The following KLHL40 variants were observed in gnomAD, a reference collection of about 807,000 sequenced individuals.
KLHL40 encodes kelch-like protein 40.
KLHL40 carries 44 observed loss-of-function variants against 49.7 expected under a neutral mutation model. That is an observed-to-expected ratio of 0.89 (90% CI 0.70 to 1.14). The LOEUF (loss-of-function observed/expected upper bound fraction) is 1.14. Among genes scored for constraint, KLHL40 ranks in the 50% most tolerant of loss-of-function variants. KLHL40 has a pLI of 0.00. For synonymous variants in KLHL40, 409 were observed against 365.2 expected, an observed-to-expected ratio of 1.12 and a Z score of -1.37; for missense variants, 892 against 850.3, an observed-to-expected ratio of 1.05 and a Z score of -0.61.
chr3:42,690,817 T>A (rs772757886), intron 4 of KLHL40, 42 bp from the exon 5 acceptor site: 1 of 1,547,542 alleles, frequency 6.5e-7, no homozygotes, highest in Admixed American at 1.9e-5. Context: ...TCACTGGGCT[T>A]GCCGAGGCAT....
At position 42,692,102 on chromosome 3, in the gene KLHL40, A is replaced by T; in HGVS notation, c.*109A>T. The T allele has an allele frequency of 1.4e-6, 1 of 713,320 alleles. No homozygotes were observed. Among genetic ancestry groups the T allele is most frequent in the Non-Finnish European group, 2.5e-6 (1 of 393,488 alleles). The allele number at this position is 713,320 out of a possible 1,614,324, so 44.2% of individuals were successfully genotyped here. A position where few individuals can be genotyped will look rare whatever the true frequency, so the allele number is the denominator to read the frequency against. On this transcript the variant is annotated 3_prime_UTR_variant, in exon 6 of 6. Coordinates refer to ENST00000287777, the MANE Select transcript of KLHL40 (RefSeq NM_152393.4). ...CTAGGAGAGGCCAGAGTCTACCTGG[A>T]TCCAGTTATGGTGCCTCAGGGGCTG... is the stretch of plus-strand genomic sequence containing the variant.
Position 42,692,163 on chromosome 3 carries a change from G to T in KLHL40, c.*170G>T. ...GGAAAGGGAAGTGCTGCTTAGTCCT[G>T]GACTTTTGGGCAAGGGTGAGAAACT... On this transcript the variant is annotated 3_prime_UTR_variant, in exon 6 of 6. Transcript: ENST00000287777. 1 of 595,522 alleles carries T rather than the reference G, an allele frequency of 1.7e-6. No homozygotes were observed. The highest frequency in any genetic ancestry group is 4.5e-4 in the Middle Eastern group (1 of 2,232). The allele number at this position is 595,522 out of a possible 1,614,324, so 36.9% of individuals were successfully genotyped here. A position where few individuals can be genotyped will look rare whatever the true frequency, so the allele number is the denominator to read the frequency against.
At position 42,686,267 on chromosome 3, in the gene KLHL40, C is replaced by A; in HGVS notation, c.649C>A (p.Leu217Met). The change falls in exon 1 of 6, where the codon CTG (leucine) becomes ATG (methionine). Residue 217 changes from leucine to methionine, a missense_variant. Transcript: ENST00000287777. ...AEAQAERQRALPTVFESVRCR... is the reference protein window; with the variant it reads ...AEAQAERQRAMPTVFESVRCR... ...GGCGCAGGCTGAGCGCCAGCGCGCG[C>A]TGCCCACCGTCTTCGAGAGCGTGCG... 6.4e-7 allele frequency: 1 copy of A among 1,558,560 alleles called. No homozygotes were observed. The highest frequency in any genetic ancestry group is 1.2e-5 in the South Asian group (1 of 85,770).
chr3:42,686,554 C>T lies in KLHL40; in HGVS notation c.936C>T (p.Phe312=). 2 of 1,614,162 alleles carry T rather than the reference C, an allele frequency of 1.2e-6. No individual in the cohort carries two copies. The highest frequency in any genetic ancestry group is 2.2e-5 in the South Asian group (2 of 91,082). The change falls in exon 1 of 6, where the codon TTC becomes TTT. Residue 312 remains phenylalanine (F), a synonymous_variant. Transcript: ENST00000287777. ...GGATCCTCAATGACACCCTGCGCTT[C>T]GGCATGTTCCTGCAGGATCTCATCT... ...LPGILNDTLR[F]GMFLQDLIFM...
chr3:42,692,283 C>T lies in KLHL40; in HGVS notation c.*290C>T, dbSNP rs998568108. 9 of 475,056 alleles carry T rather than the reference C, an allele frequency of 1.9e-5. 1 individual carries two copies. The South Asian group carries it at 2.6e-4, about 14-fold the overall frequency. The allele number at this position is 475,056 out of a possible 1,614,324, so 29.4% of individuals were successfully genotyped here. ...ATCCCAGGCCGTGTGCTGGCCCTGC[C>T]CCAGCCTAGCTGAGTGTGCTGGCAA... On this transcript the variant is annotated 3_prime_UTR_variant, in exon 6 of 6. Transcript: ENST00000287777.
At chr3:42,691,057 C>T (rs1007229565) in intron 5 of KLHL40, 52 bp downstream of exon 5, 2 of 1,536,114 alleles carry the variant, frequency 1.3e-6, no homozygotes, top group Non-Finnish European at 1.8e-6. Flanking sequence ...GGCTGACACC[C>T]CATAGCACCA....
In KLHL40 at chr3:42,692,438, G is replaced by C; in HGVS notation, c.*445G>C. 1 of 451,382 alleles carries C rather than the reference G, an allele frequency of 2.2e-6. No homozygotes were observed. Among genetic ancestry groups the C allele is most frequent in the Non-Finnish European group, 4.0e-6 (1 of 247,276 alleles). The allele number at this position is 451,382 out of a possible 1,614,324, so 28.0% of individuals were successfully genotyped here. On this transcript the variant is annotated 3_prime_UTR_variant, in exon 6 of 6. Coordinates refer to ENST00000287777, the MANE Select transcript of KLHL40 (RefSeq NM_152393.4). ...CTTCTGAGCAAGCAGCTCAGGGTCT[G>C]CATCAGTGCTCCAAGAGTCAGTGAG...
Position 42,688,116 on chromosome 3 carries a change from T to A in KLHL40, c.1153-26T>A. ...CTGAGGCTGGGGGAGTGGGGGGCGG[T>A]AGCTGACTGGACACCTGGCCTGCAG... is the stretch of plus-strand genomic sequence containing the variant. On this transcript the variant is annotated intron_variant, in intron 1 of 5. Coordinates refer to ENST00000287777, the MANE Select transcript of KLHL40 (RefSeq NM_152393.4). The surrounding 1 kb of genome is among the most constrained non-coding windows in gnomAD (Gnocchi z 4.2). The A allele has an allele frequency of 6.2e-7, 1 of 1,612,002 alleles. No homozygotes were observed. The highest frequency in any genetic ancestry group is 8.5e-7 in the Non-Finnish European group (1 of 1,179,416).
chr3:42,692,461 G>A lies in KLHL40; in HGVS notation c.*468G>A, dbSNP rs1697390909. 9 of 487,776 alleles carry A rather than the reference G, an allele frequency of 1.8e-5. No homozygotes were observed. Among genetic ancestry groups the A allele is most frequent in the Non-Finnish European group, 3.0e-5 (8 of 269,668 alleles). The allele number at this position is 487,776 out of a possible 1,614,324, so 30.2% of individuals were successfully genotyped here. ...CTGCATCAGTGCTCCAAGAGTCAGT[G>A]AGCAGGTGTGTTGAAGACTTGGGGC... On this transcript the variant is annotated 3_prime_UTR_variant, in exon 6 of 6. Coordinates refer to ENST00000287777, the MANE Select transcript of KLHL40 (RefSeq NM_152393.4).
chr3:42,686,841 G>A, intron 1 of KLHL40, 71 bp downstream of exon 1: 2 of 1,363,490 alleles, frequency 1.5e-6, no homozygotes, highest in Non-Finnish European at 2.0e-6. Flanking sequence ...TTGGGGCCCA[G>A]AAGGGGCTTG....
At position 42,688,824 on chromosome 3, in the gene KLHL40, T is replaced by TG. The variant is rs1697317144; in HGVS notation, c.1422-42dup. 4.4e-6 allele frequency: 7 copies of TG among 1,598,988 alleles called. No homozygotes were observed. The highest frequency in any genetic ancestry group is 5.1e-6 in the Non-Finnish European group (6 of 1,166,636). On this transcript the variant is annotated intron_variant, in intron 3 of 5. Coordinates refer to ENST00000287777, the MANE Select transcript of KLHL40 (RefSeq NM_152393.4). This position sits in a 1 kb window ranked among gnomAD's most constrained non-coding sequence, Gnocchi z 4.2. ...GCAGGTGATTGCAGGGAGGCGTGGC[T>TG]GGGCTCCTGCTTCTCTCCACCCATC...
At chr3:42,689,075 C>T (rs746123517) in intron 4 of KLHL40, 21 bp downstream of exon 4, 37 of 1,592,264 alleles carry the variant, frequency 2.3e-5, no homozygotes, top group African/African-American at 2.7e-5. Flanking sequence ...TTGTCCCTTC[C>T]GCCAAGGACA....
At position 42,688,868 on chromosome 3, in the gene KLHL40, G is replaced by A. The variant is rs1697318038; in HGVS notation, c.1422-1G>A. On this transcript the variant is annotated splice_acceptor_variant, in intron 3 of 5. Coordinates refer to ENST00000287777, the MANE Select transcript of KLHL40 (RefSeq NM_152393.4). LOFTEE classifies it high-confidence loss of function. The surrounding 1 kb of genome is among the most constrained non-coding windows in gnomAD (Gnocchi z 4.2). ...ACCCATCCCCACCCTCCACCCCACAGGAAGTGCCTGAACAAGATGTGCGTC... is the reference window on the plus strand; with the variant it reads ...ACCCATCCCCACCCTCCACCCCACAAGAAGTGCCTGAACAAGATGTGCGTC... 4 of 1,613,400 alleles carry A rather than the reference G, an allele frequency of 2.5e-6. No individual in the cohort carries two copies. Among genetic ancestry groups the A allele is most frequent in the East Asian group, 2.2e-5 (1 of 44,850 alleles).
chr3:42,690,761 G>T, intron 4 of KLHL40, 98 bp from the exon 5 acceptor site: 22 of 1,350,850 alleles, frequency 1.6e-5, no homozygotes, highest in Non-Finnish European at 2.2e-5. Flanking sequence ...GACTTGGATT[G>T]CAAAGGGTTG....
Position 42,685,822 on chromosome 3 carries a change from C to T in KLHL40, c.204C>T (p.Arg68=). The T allele has an allele frequency of 6.2e-7, 1 of 1,612,824 alleles. No homozygotes were observed. Among genetic ancestry groups the T allele is most frequent in the Non-Finnish European group, 8.5e-7 (1 of 1,179,760 alleles). Residue 68 remains arginine (R), a synonymous_variant, in exon 1 of 6, where the codon CGC becomes CGT. Transcript: ENST00000287777. The part of the protein sequence containing the change: ...FRARFLAEPE[R]AGELHLEEVS... ...CGCGCTTTCTAGCCGAGCCGGAGCG[C>T]GCGGGCGAGCTGCACCTGGAGGAGG... is the stretch of plus-strand genomic sequence containing the variant.
intron 5 of KLHL40, among the ~76,000 whole-genome samples, chr3:42,691,533 CTGAGACG>C (rs902226328): frequency 1.3e-5 from 2 of 152,096 alleles, no homozygotes; most frequent in African/African-American, 4.8e-5. Context: ...CTGCCGGAGG[CTGAGACG>C]TGAGACTTAG....
chr3:42,686,584 G>C lies in KLHL40; in HGVS notation c.966G>C (p.Met322Ile), dbSNP rs1338869028. Residue 322 changes from methionine (M) to isoleucine (I), a missense_variant, in exon 1 of 6, where the codon ATG becomes ATC. Physicochemically the swap from Met to Ile is conservative, Grantham distance 10. Transcript: ENST00000287777. The stretch of plus-strand genomic sequence containing the variant: ...TGTTCCTGCAGGATCTCATCTTCAT[G>C]ATCAGTGAGGAGGGCGCTGTGGCCT... ...FGMFLQDLIF[M>I]ISEEGAVAYD... 3 of 1,614,108 alleles carry C rather than the reference G, an allele frequency of 1.9e-6. No individual in the cohort carries two copies. Among genetic ancestry groups the C allele is most frequent in the East Asian group, 2.2e-5 (1 of 44,886 alleles).
Position 42,686,457 on chromosome 3 carries a change from C to T in KLHL40, c.839C>T (p.Ala280Val), listed in dbSNP as rs1180733681. Residue 280 changes from alanine to valine, a missense_variant, in exon 1 of 6, where the codon GCC (alanine) becomes GTC (valine). Ala to Val is a moderately conservative substitution (Grantham distance 64, BLOSUM62 0). Transcript: ENST00000287777. ...AAGAAGGGGAAGGATGGAGCCGGGG[C>T]CAAGGAGGCTGATAAGGGCACAAGC... The part of the protein sequence containing the change: ...KKKKGKDGAG[A>V]KEADKGTSKA... 6.2e-7 allele frequency: 1 copy of T among 1,613,960 alleles called. No individual in the cohort carries two copies. Among genetic ancestry groups the T allele is most frequent in the South Asian group, 1.1e-5 (1 of 91,082 alleles).
At position 42,687,632 on chromosome 3, in the gene KLHL40, T is replaced by G. The variant is rs115377025; in HGVS notation, c.1153-510T>G. Among the ~76,000 whole-genome samples the G allele has an allele frequency of 9.8e-3, 1,498 of 152,256 alleles. 21 individuals carry two copies. The highest frequency in any genetic ancestry group is 0.034 in the African/African-American group (1,413 of 41,516). On this transcript the variant is annotated intron_variant, in intron 1 of 5. Coordinates refer to ENST00000287777, the MANE Select transcript of KLHL40 (RefSeq NM_152393.4). The stretch of plus-strand genomic sequence containing the variant: ...GGAAGGTTAAATGATGCTTATAAAG[T>G]GCTCATCAGCAAGGTGCTCAGCCCT...
Sources: allele counts gnomAD v4.1 joint callset (sites outside exome capture counted in the v4.1 genomes callset), GRCh38; gene constraint gnomAD v4.1.1; non-coding constraint Gnocchi (gnomAD v3.1); transcripts MANE v1.5; gene names NCBI Gene and HGNC (gene_info 2026-07-23, HGNC 2026-07-21).